The following PLEKHA6 variants were observed in gnomAD, a reference collection of about 807,000 sequenced individuals.
PLEKHA6 encodes the protein pleckstrin homology domain containing A6.
In PLEKHA6, 60 loss-of-function variants were observed where a neutral mutation model predicts 116.7. The observed-to-expected ratio is 0.51, with a 90% CI of 0.42 to 0.64. The LOEUF is 0.64. PLEKHA6 is among the 30% of genes least tolerant of loss of function. PLEKHA6 has a pLI of 0.00. For missense variants in PLEKHA6, 1,338 were observed against 1,422.7 expected, an observed-to-expected ratio of 0.94 and a Z score of 0.96; for synonymous variants, 489 against 556.1, an observed-to-expected ratio of 0.88 and a Z score of 1.70.
At chr1:204,280,481 C>G (rs1002579580) in intron 1 of PLEKHA6, 8 of 984,128 alleles carry the variant, frequency 8.1e-6, no homozygotes, top group Non-Finnish European at 9.7e-6. Context: ...CAAGCTGCTT[C>G]ATTTCCATAG....
At chr1:204,269,052 C>T (rs1448510893) in intron 3 of PLEKHA6, among the ~76,000 whole-genome samples, 2 of 152,118 alleles carry the variant, frequency 1.3e-5, no homozygotes, top group Admixed American at 6.5e-5. Context: ...TCCACCTGCA[C>T]TCCAGCGATG....
At chr1:204,272,550 T>C (rs1350984734) in intron 3 of PLEKHA6, among the ~76,000 whole-genome samples, 2 of 152,222 alleles carry the variant, frequency 1.3e-5, no homozygotes, top group African/African-American at 4.8e-5. Context: ...GGGAATAATA[T>C]GATGATCATC....
At chr1:204,243,580 A>G (rs1031684759) in intron 15 of PLEKHA6, among the ~76,000 whole-genome samples, 1 of 150,066 alleles carries the variant, frequency 6.7e-6, no homozygotes. Flanking sequence ...GCTTCCACCC[A>G]CTCTCCTGCC....
At chr1:204,283,369 T>C (rs184829169) in intron 1 of PLEKHA6, among the ~76,000 whole-genome samples, 1 of 152,342 alleles carries the variant, frequency 6.6e-6, no homozygotes, top group East Asian at 1.9e-4. Context: ...ACAATGGTAT[T>C]GAGTGATGCC....
At chr1:204,233,119 T>A (rs1021196766) in intron 17 of PLEKHA6, among the ~76,000 whole-genome samples, 1 of 151,856 alleles carries the variant, frequency 6.6e-6, no homozygotes, top group Non-Finnish European at 1.5e-5. Context: ...GACTTACTTA[T>A]GCTTGTCCTC....
intron 1 of PLEKHA6, among the ~76,000 whole-genome samples, chr1:204,324,972 C>G (rs1330802404): frequency 6.6e-6 from 1 of 152,008 alleles, no homozygotes; most frequent in African/African-American, 2.4e-5. Flanking sequence ...GGCTGGAGTG[C>G]AGTGGCGTGA....
intron 3 of PLEKHA6, 127 bp from the exon 4 acceptor site, chr1:204,268,439 G>A (rs1667080557): frequency 2.1e-6 from 1 of 466,570 alleles, no homozygotes; most frequent in Admixed American, 4.0e-5. Flanking sequence ...CACACCAAGG[G>A]GCCCAGGTGT....
chr1:204,268,562 C>G (rs138972743), intron 3 of PLEKHA6, among the ~76,000 whole-genome samples: 5 of 148,300 alleles, frequency 3.4e-5, no homozygotes, highest in African/African-American at 1.2e-4. Flanking sequence ...AATAATAGTC[C>G]TCCCTGTCTC....
intron 1 of PLEKHA6, among the ~76,000 whole-genome samples, chr1:204,309,264 C>A (rs1671563061): frequency 6.6e-6 from 1 of 152,198 alleles, no homozygotes; most frequent in African/African-American, 2.4e-5. Context: ...ACCTACTGAG[C>A]ATTTTCCTGA....
chr1:204,320,736 C>A (rs186517654), intron 1 of PLEKHA6, among the ~76,000 whole-genome samples: 1 of 152,322 alleles, frequency 6.6e-6, no homozygotes, highest in East Asian at 1.9e-4. Flanking sequence ...CTCCTGTACG[C>A]ACAGCACACT....
intron 1 of PLEKHA6, chr1:204,280,210 CA>C: frequency 1.5e-6 from 1 of 674,508 alleles, no homozygotes; most frequent in Non-Finnish European, 1.8e-6. Flanking sequence ...CAGTACCTCA[CA>C]TAGAGATAAC....
At chr1:204,250,766 C>A in intron 9 of PLEKHA6, 152 bp from the exon 10 acceptor site, 1 of 687,322 alleles carries the variant, frequency 1.5e-6, no homozygotes, top group Non-Finnish European at 2.7e-6. Flanking sequence ...GCTCATTCCA[C>A]ATCCCCTGGC....
At chr1:204,323,364 G>C (rs1241986151) in intron 1 of PLEKHA6, among the ~76,000 whole-genome samples, 1 of 152,196 alleles carries the variant, frequency 6.6e-6, no homozygotes, top group Non-Finnish European at 1.5e-5. Context: ...AGACACTGAG[G>C]CTCAGAAAAG....
chr1:204,367,157 C>A (rs771168547), intron 3 of PLEKHA6, among the ~76,000 whole-genome samples: 16 of 152,138 alleles, frequency 1.1e-4, no homozygotes, highest in Non-Finnish European at 1.3e-4. Flanking sequence ...CACCCCAGCC[C>A]AAAGAGCTCT....
intron 9 of PLEKHA6, among the ~76,000 whole-genome samples, chr1:204,254,487 T>A (rs1026235164): frequency 6.6e-6 from 1 of 152,148 alleles, no homozygotes; most frequent in African/African-American, 2.4e-5. Context: ...CTCATCCTAA[T>A]GAGGTTTGAC....
chr1:204,296,594 C>T (rs925526606), intron 1 of PLEKHA6, among the ~76,000 whole-genome samples: 1 of 152,196 alleles, frequency 6.6e-6, no homozygotes, highest in Non-Finnish European at 1.5e-5. Flanking sequence ...CCCCCAGCTG[C>T]CTGGCCCCTT....
At chr1:204,313,605 A>C in intron 1 of PLEKHA6, 1 of 985,140 alleles carries the variant, frequency 1.0e-6, no homozygotes, top group Non-Finnish European at 1.2e-6. Flanking sequence ...TCTTGTTGGC[A>C]GTCTATATTC....
intron 1 of PLEKHA6, among the ~76,000 whole-genome samples, chr1:204,285,327 A>G (rs4951352): frequency 0.37 from 55,810 of 152,146 alleles, 10,425 homozygotes; most frequent in East Asian, 0.52. Context: ...CTAAAAAGAA[A>G]GGAAAATCTG....
chr1:204,359,954 G>A (rs909707511), upstream of PLEKHA6: 1 of 152,580 alleles, frequency 6.6e-6, no homozygotes, highest in African/African-American at 2.4e-5. Flanking sequence ...ATGCTCCATC[G>A]GCTCCCCCGG....
Sources: allele counts gnomAD v4.1 joint callset (sites outside exome capture counted in the v4.1 genomes callset), GRCh38; gene constraint gnomAD v4.1.1; transcripts MANE v1.5; gene names NCBI Gene and HGNC (gene_info 2026-07-23, HGNC 2026-07-21).